Variants in LYPLAL1 observed in about 807,000 individuals in gnomAD.
LYPLAL1 encodes the protein lysophospholipase like 1.
Under a neutral mutation model 19.7 loss-of-function variants are expected in LYPLAL1, and 23 were observed. That is an observed-to-expected ratio of 1.17 (90% CI 0.84 to 1.65). The LOEUF (loss-of-function observed/expected upper bound fraction) is 1.65. Ranked by LOEUF, LYPLAL1 falls within the 40% of genes most tolerant of loss-of-function variation. The pLI is 0.00. For missense variants in LYPLAL1, 355 were observed against 279.4 expected, an observed-to-expected ratio of 1.27 and a Z score of -1.93; for synonymous variants, 119 against 96.3, an observed-to-expected ratio of 1.24 and a Z score of -1.38.
At chr1:219,330,755 C>T in the LYPLAL1 span, among the ~76,000 whole-genome samples, 1 of 152,188 alleles carries the variant, frequency 6.6e-6, no homozygotes, top group Non-Finnish European at 1.5e-5. Flanking sequence ...CAGCAATATG[C>T]ATGTTTGTCT....
At chr1:219,286,256 TGGGG>T in the LYPLAL1 span, among the ~76,000 whole-genome samples, 1 of 152,150 alleles carries the variant, frequency 6.6e-6, no homozygotes, top group Non-Finnish European at 1.5e-5. Context: ...TGAGATCATT[TGGGG>T]ACTAGAAGCA....
intron 3 of LYPLAL1, among the ~76,000 whole-genome samples, chr1:219,197,832 T>C (rs1467497686): frequency 6.6e-6 from 1 of 152,128 alleles, no homozygotes; most frequent in Non-Finnish European, 1.5e-5. Flanking sequence ...CAGATGCTTC[T>C]CAAAGCAGAA....
the LYPLAL1 span, among the ~76,000 whole-genome samples, chr1:219,310,306 C>T: frequency 6.6e-6 from 1 of 152,214 alleles, no homozygotes; most frequent in African/African-American, 2.4e-5. Context: ...TTTACTCCCT[C>T]ATTTTCTCAC....
At chr1:219,299,838 T>A in the LYPLAL1 span, among the ~76,000 whole-genome samples, 1 of 152,202 alleles carries the variant, frequency 6.6e-6, no homozygotes, top group Non-Finnish European at 1.5e-5. Flanking sequence ...TGACTAGTTT[T>A]TTCTTGAAGC....
the LYPLAL1 span, among the ~76,000 whole-genome samples, chr1:219,262,000 C>T: frequency 7.2e-5 from 11 of 152,174 alleles, no homozygotes; most frequent in Middle Eastern, 3.4e-3. Context: ...TAGGTTTAGT[C>T]GTTTAACATA....
intron 3 of LYPLAL1, among the ~76,000 whole-genome samples, chr1:219,198,120 T>C (rs1053646466): frequency 7.9e-5 from 12 of 152,122 alleles, no homozygotes; most frequent in African/African-American, 2.9e-4. Flanking sequence ...TCAGTGCCTT[T>C]GATATATTTT....
At chr1:219,176,900 A>T (rs1655863396) in intron 1 of LYPLAL1, among the ~76,000 whole-genome samples, 1 of 152,250 alleles carries the variant, frequency 6.6e-6, no homozygotes. Context: ...CTCTGATCAT[A>T]CAGCAATGAA....
At chr1:219,211,468 C>T in intron 4 of LYPLAL1, 24 bp from the exon 5 acceptor site, 1 of 1,413,078 alleles carries the variant, frequency 7.1e-7, no homozygotes, top group Non-Finnish European at 9.7e-7. Flanking sequence ...TTAAACTTTT[C>T]TGTCTTTGTA....
chr1:219,358,234 A>G, the LYPLAL1 span, among the ~76,000 whole-genome samples: 5 of 152,324 alleles, frequency 3.3e-5, no homozygotes, highest in Middle Eastern at 3.4e-3. Flanking sequence ...ATTACAAAAT[A>G]TGAAGTAACC....
At chr1:219,278,512 A>G in the LYPLAL1 span, among the ~76,000 whole-genome samples, 5 of 152,216 alleles carry the variant, frequency 3.3e-5, no homozygotes, top group African/African-American at 1.2e-4. Context: ...GAACTTGCCC[A>G]AGTACACACA....
the LYPLAL1 span, among the ~76,000 whole-genome samples, chr1:219,236,559 T>TATC: frequency 6.6e-6 from 1 of 152,254 alleles, no homozygotes; most frequent in Non-Finnish European, 1.5e-5. Context: ...AATAAAACTA[T>TATC]ATCACTTTAT....
At chr1:219,230,938 C>T in the LYPLAL1 span, among the ~76,000 whole-genome samples, 1 of 152,196 alleles carries the variant, frequency 6.6e-6, no homozygotes, top group African/African-American at 2.4e-5. Flanking sequence ...TGACCACCCA[C>T]CCACGTGGGC....
At chr1:219,342,457 G>A in the LYPLAL1 span, among the ~76,000 whole-genome samples, 2 of 152,172 alleles carry the variant, frequency 1.3e-5, no homozygotes, top group Non-Finnish European at 2.9e-5. Context: ...CAAGGAACCT[G>A]CACAAGGAAG....
intron 2 of LYPLAL1, 55 bp downstream of exon 2, chr1:219,179,301 TAG>T: frequency 8.1e-7 from 1 of 1,239,274 alleles, no homozygotes; most frequent in Non-Finnish European, 1.2e-6. Context: ...AAAATATATA[TAG>T]AGAGATGTGC....
the LYPLAL1 span, among the ~76,000 whole-genome samples, chr1:219,362,847 G>A: frequency 6.6e-6 from 1 of 151,972 alleles, no homozygotes; most frequent in Non-Finnish European, 1.5e-5. Flanking sequence ...CTCAGGAGAG[G>A]TTAGAGGAAG....
At chr1:219,332,039 C>T in the LYPLAL1 span, among the ~76,000 whole-genome samples, 2 of 152,110 alleles carry the variant, frequency 1.3e-5, no homozygotes, top group African/African-American at 4.8e-5. Context: ...AAGAATTTTA[C>T]AGAGATTTGT....
At chr1:219,289,272 T>C in the LYPLAL1 span, among the ~76,000 whole-genome samples, 2 of 152,096 alleles carry the variant, frequency 1.3e-5, no homozygotes, top group African/African-American at 4.8e-5. Context: ...CACCTCCCAA[T>C]CATCGTGATC....
Position 219,192,584 on chromosome 1 carries a change from A to G in LYPLAL1, c.192-498A>G, listed in dbSNP as rs556350380. ...CATTTGTTCTCTGTGTTTATCTAAT[A>G]TAGCCCCCATCCCTCTCTGTGTTTG... On this transcript the variant is annotated intron_variant, in intron 2 of 4. Coordinates refer to ENST00000366928, the MANE Select transcript of LYPLAL1 (RefSeq NM_138794.5). 3.3e-5 allele frequency among the ~76,000 whole-genome samples: 5 copies of G among 151,736 alleles called. No homozygotes were observed. The East Asian group carries it at 9.7e-4, about 29-fold the overall frequency.
the LYPLAL1 span, among the ~76,000 whole-genome samples, chr1:219,257,659 G>A: frequency 1.5e-4 from 23 of 152,054 alleles, no homozygotes; most frequent in Admixed American, 5.3e-4. Flanking sequence ...AATAAAGATT[G>A]CAAGGCAAAG....
Sources: gnomAD v4.1 joint callset for allele counts (sites outside exome capture counted in the v4.1 genomes callset) on GRCh38, gnomAD v4.1.1 for gene constraint, MANE v1.5 for transcripts, NCBI Gene and HGNC (gene_info 2026-07-23, HGNC 2026-07-21) for gene names.